Variants in NECAB1 observed in about 807,000 individuals in gnomAD.
NECAB1 encodes the protein N-terminal EF-hand calcium-binding protein 1.
NECAB1 carries 29 observed loss-of-function variants against 57.5 expected under a neutral mutation model. The observed-to-expected ratio is 0.50, with a 90% CI of 0.38 to 0.69. The LOEUF is 0.69. Ranked by LOEUF, NECAB1 falls within the 30% of genes least tolerant of loss-of-function variation. The pLI, the probability that NECAB1 is intolerant of heterozygous loss-of-function variation, is 0.00. For synonymous variants in NECAB1, 142 were observed against 147.7 expected (o/e 0.96, Z 0.28); for missense variants, 372 against 413.8 (o/e 0.90, Z 0.88).
At chr8:90,947,746 A>T (rs1810845200) in intron 10 of NECAB1, among the ~76,000 whole-genome samples, 1 of 152,196 alleles carries the variant, frequency 6.6e-6, no homozygotes, top group African/African-American at 2.4e-5. Flanking sequence ...TCATTATTGG[A>T]CAGATAAGGA....
chr8:90,838,790 A>G (rs914000441), intron 3 of NECAB1, among the ~76,000 whole-genome samples: 7 of 152,296 alleles, frequency 4.6e-5, no homozygotes, highest in Non-Finnish European at 1.0e-4. Flanking sequence ...GCTATAATCT[A>G]TATTTCCAAA....
At chr8:90,939,261 G>A (rs770166378) in intron 9 of NECAB1, among the ~76,000 whole-genome samples, 3 of 152,214 alleles carry the variant, frequency 2.0e-5, no homozygotes, top group Non-Finnish European at 4.4e-5. Flanking sequence ...GGTAATCTCA[G>A]AGATCCAAGA....
At position 90,884,202 on chromosome 8, in the gene NECAB1, G is replaced by A. The variant is rs58130207; in HGVS notation, c.357+3072G>A. ...ATACATTTTCAATAATTCTAAGAAA[G>A]AAATAGACTTGAATCCTAGCACTGC... On this transcript the variant is annotated intron_variant, in intron 5 of 12. Coordinates refer to ENST00000417640, the MANE Select transcript of NECAB1 (RefSeq NM_022351.5). Among the ~76,000 whole-genome samples the A allele has an allele frequency of 1.0e-3, 158 of 152,226 alleles. 2 individuals carry two copies. In the East Asian group the frequency reaches 0.028, roughly 27 times the overall value.
intron 3 of NECAB1, among the ~76,000 whole-genome samples, chr8:90,833,586 A>T (rs1036241237): frequency 6.6e-6 from 1 of 152,164 alleles, no homozygotes; most frequent in African/African-American, 2.4e-5. Context: ...CCATTAGTGA[A>T]GTAAAATCAA....
chr8:90,805,553 T>C (rs1045581281), intron 2 of NECAB1, among the ~76,000 whole-genome samples: 3 of 151,548 alleles, frequency 2.0e-5, no homozygotes, highest in African/African-American at 4.8e-5. Flanking sequence ...AACATAAAGA[T>C]AGCCTTCAGA....
At position 90,951,213 on chromosome 8, in the gene NECAB1, C is replaced by T. The variant is rs887513153; in HGVS notation, c.1030+9C>T. On this transcript the variant is annotated intron_variant, in intron 12 of 12. Coordinates refer to ENST00000417640, the MANE Select transcript of NECAB1 (RefSeq NM_022351.5). ...TACAATGCTAGTTCCTGGTAATTAT[C>T]CTGGGTTTACAATGCTTCTGTGTCC... The T allele has an allele frequency of 6.6e-7, 1 of 1,521,970 alleles. No homozygotes were observed. The highest frequency in any genetic ancestry group is 9.0e-7 in the Non-Finnish European group (1 of 1,108,556). The allele number at this position is 1,521,970 out of a possible 1,614,324, so 94.3% of individuals were successfully genotyped here.
In NECAB1 at chr8:90,881,142, T is replaced by A; in HGVS notation, c.357+12T>A. On this transcript the variant is annotated intron_variant, in intron 5 of 12. Coordinates refer to ENST00000417640, the MANE Select transcript of NECAB1 (RefSeq NM_022351.5). ...GCAAAACAAAGAAAGTAAGAAAATGTTAATGTTTATTTTCTATAAAAATCT... is the reference window on the plus strand; with the variant it reads ...GCAAAACAAAGAAAGTAAGAAAATGATAATGTTTATTTTCTATAAAAATCT... 2.0e-6 allele frequency: 3 copies of A among 1,519,156 alleles called. No individual in the cohort carries two copies. Among genetic ancestry groups the A allele is most frequent in the South Asian group, 2.5e-5 (2 of 80,554 alleles). The allele number at this position is 1,519,156 out of a possible 1,614,324, so 94.1% of individuals were successfully genotyped here. A position where few individuals can be genotyped will look rare whatever the true frequency, so the allele number is the denominator to read the frequency against.
chr8:90,929,920 T>C (rs1396850741), intron 8 of NECAB1, among the ~76,000 whole-genome samples: 5 of 152,096 alleles, frequency 3.3e-5, no homozygotes, highest in African/African-American at 1.2e-4. Flanking sequence ...CAAATAAGGT[T>C]GTATGGACCG....
At chr8:90,845,547 G>A (rs900935037) in intron 3 of NECAB1, among the ~76,000 whole-genome samples, 2 of 152,124 alleles carry the variant, frequency 1.3e-5, no homozygotes, top group Admixed American at 6.5e-5. Context: ...TTAAAAGTAG[G>A]TATTGGTTCA....
intron 2 of NECAB1, chr8:90,806,369 C>T (rs1286833274): frequency 6.6e-6 from 1 of 152,220 alleles, no homozygotes; most frequent in Admixed American, 6.5e-5. Context: ...CCTGCTGCAA[C>T]ACAGACATTC....
At chr8:90,916,817 G>C (rs1274149948) in intron 5 of NECAB1, among the ~76,000 whole-genome samples, 1 of 152,180 alleles carries the variant, frequency 6.6e-6, no homozygotes, top group Non-Finnish European at 1.5e-5. Context: ...GACCTCTGCA[G>C]TGACCCTGGG....
chr8:90,891,656 T>C (rs909005000), intron 5 of NECAB1, among the ~76,000 whole-genome samples: 1 of 152,076 alleles, frequency 6.6e-6, no homozygotes, highest in Admixed American at 6.6e-5. Context: ...AAGTTTAGGT[T>C]ATTAGTACTG....
intron 2 of NECAB1, among the ~76,000 whole-genome samples, chr8:90,813,824 T>C (rs977638117): frequency 6.6e-6 from 1 of 152,180 alleles, no homozygotes; most frequent in South Asian, 2.1e-4. Flanking sequence ...GTTTTAAAAG[T>C]TTTAGATTTA....
intron 7 of NECAB1, among the ~76,000 whole-genome samples, chr8:90,927,610 TACACACACACACAC>T (rs71560287): frequency 3.5e-5 from 5 of 143,878 alleles, no homozygotes; most frequent in Admixed American, 1.4e-4. Flanking sequence ...TGGTGCTAGA[TACACACACACACAC>T]ACACACACAC....
At chr8:90,911,590 T>A (rs1809832230) in intron 5 of NECAB1, among the ~76,000 whole-genome samples, 1 of 152,132 alleles carries the variant, frequency 6.6e-6, no homozygotes, top group Non-Finnish European at 1.5e-5. Flanking sequence ...TGGTAACAAG[T>A]ATGTATATAA....
At chr8:90,819,519 C>CT (rs1003726414) in intron 2 of NECAB1, among the ~76,000 whole-genome samples, 1 of 151,828 alleles carries the variant, frequency 6.6e-6, no homozygotes, top group Non-Finnish European at 1.5e-5. Flanking sequence ...CCTTTTGTGT[C>CT]TTTTTGTTTT....
At chr8:90,800,487 G>T (rs1484043369) in intron 1 of NECAB1, among the ~76,000 whole-genome samples, 1 of 152,080 alleles carries the variant, frequency 6.6e-6, no homozygotes, top group Non-Finnish European at 1.5e-5. Flanking sequence ...TTATTTTGAG[G>T]TATGTTCCTT....
At chr8:90,954,356 A>T (rs775182788) in intron 12 of NECAB1, among the ~76,000 whole-genome samples, 14 of 152,082 alleles carry the variant, frequency 9.2e-5, no homozygotes, top group Non-Finnish European at 2.1e-4. Flanking sequence ...TATTCCAATG[A>T]CCTCTCAAGT....
chr8:90,873,366 T>G (rs1390035299), intron 4 of NECAB1, among the ~76,000 whole-genome samples: 2 of 152,204 alleles, frequency 1.3e-5, no homozygotes, highest in Non-Finnish European at 2.9e-5. Context: ...ATAGTAGCAT[T>G]GTGCACACAT....
Sources: gnomAD v4.1 joint callset for allele counts (sites outside exome capture counted in the v4.1 genomes callset) on GRCh38, gnomAD v4.1.1 for gene constraint, MANE v1.5 for transcripts, NCBI Gene and HGNC (gene_info 2026-07-23, HGNC 2026-07-21) for gene names.